ALG14: variants seen among roughly 807,000 people sequenced by gnomAD.
The protein encoded by ALG14 is ALG14 UDP-N-acetylglucosaminyltransferase subunit.
Under a neutral mutation model 22.8 loss-of-function variants are expected in ALG14, and 17 were observed. That is an observed-to-expected ratio of 0.75 (90% CI 0.51 to 1.12). The LOEUF (loss-of-function observed/expected upper bound fraction) is 1.12. Ranked by LOEUF, ALG14 falls within the 50% of genes most tolerant of loss-of-function variation. The pLI, the probability that ALG14 is intolerant of heterozygous loss-of-function variation, is 0.00. For missense variants in ALG14, 288 were observed against 271.8 expected, an observed-to-expected ratio of 1.06 and a Z score of -0.42; for synonymous variants, 89 against 103.7, an observed-to-expected ratio of 0.86 and a Z score of 0.86.
intron 1 of ALG14, among the ~76,000 whole-genome samples, chr1:95,069,172 G>C (rs1675475932): frequency 6.6e-6 from 1 of 152,134 alleles, no homozygotes; most frequent in African/African-American, 2.4e-5. Context: ...GGCTTGAAGT[G>C]GGTGACTCTC....
chr1:95,042,826 A>G (rs142559686), intron 2 of ALG14, among the ~76,000 whole-genome samples: 345 of 152,256 alleles, frequency 2.3e-3, no homozygotes, highest in African/African-American at 8.0e-3. Flanking sequence ...TGTTTTGGAA[A>G]TTTCCCTGGG....
rs563530836 is a variant in ALG14 at position 94,995,584 on chromosome 1, G to A, written c.421-12278C>T. Among the ~76,000 whole-genome samples the A allele has an allele frequency of 8.5e-5, 13 of 152,270 alleles. No individual in the cohort carries two copies. In the South Asian group the frequency reaches 1.9e-3, roughly 22 times the overall value. Reference sequence around the variant, plus strand: ...AAAAATTAGCTGAGCGTGGTGGCACGTGCCTGTAATCCCAGCTACTCAGGA... The same window carrying A: ...AAAAATTAGCTGAGCGTGGTGGCACATGCCTGTAATCCCAGCTACTCAGGA... On this transcript the variant is annotated intron_variant, in intron 3 of 3. Coordinates refer to ENST00000370205, the MANE Select transcript of ALG14 (RefSeq NM_144988.4).
At chr1:95,033,486 AAT>A (rs1302705369) in intron 2 of ALG14, among the ~76,000 whole-genome samples, 3 of 149,330 alleles carry the variant, frequency 2.0e-5, no homozygotes, top group Admixed American at 6.7e-5. Context: ...TATATACACA[AAT>A]ATATATATAT....
At chr1:95,066,520 G>A (rs1675374000) in intron 1 of ALG14, among the ~76,000 whole-genome samples, 1 of 152,052 alleles carries the variant, frequency 6.6e-6, no homozygotes, top group Non-Finnish European at 1.5e-5. Flanking sequence ...ACCATGCCAA[G>A]CCCACATTTT....
chr1:95,036,682 C>G (rs1447885255), intron 2 of ALG14, among the ~76,000 whole-genome samples: 1 of 152,120 alleles, frequency 6.6e-6, no homozygotes, highest in Non-Finnish European at 1.5e-5. Context: ...CCACCTCGAC[C>G]TCCCAAAGTG....
At chr1:94,997,672 T>C (rs1264802128) in intron 3 of ALG14, among the ~76,000 whole-genome samples, 1 of 152,170 alleles carries the variant, frequency 6.6e-6, no homozygotes, top group Non-Finnish European at 1.5e-5. Flanking sequence ...TGGATTTGAG[T>C]AGTGCTTCCC....
chr1:95,022,827 A>T (rs1339739903), intron 3 of ALG14, among the ~76,000 whole-genome samples: 1 of 152,204 alleles, frequency 6.6e-6, no homozygotes. Flanking sequence ...CATGTTATAA[A>T]GTTTTTTGAT....
At chr1:95,042,371 A>C (rs781213656) in intron 2 of ALG14, among the ~76,000 whole-genome samples, 5 of 152,072 alleles carry the variant, frequency 3.3e-5, no homozygotes, top group African/African-American at 9.7e-5. Flanking sequence ...CAGTTTCGTC[A>C]GACTCTTCGC....
intron 3 of ALG14, among the ~76,000 whole-genome samples, chr1:95,009,378 G>A (rs561410019): frequency 6.6e-6 from 1 of 152,116 alleles, no homozygotes; most frequent in African/African-American, 2.4e-5. Context: ...TAAAGATGGA[G>A]TGATTACTAT....
In ALG14 at chr1:95,072,875, A is replaced by T. The variant is rs751242894; in HGVS notation, c.24T>A (p.Ala8=). The change falls in exon 1 of 4, where the codon GCT becomes GCA. Residue 8 remains alanine, a synonymous_variant. Transcript: ENST00000370205. MVCVLVL[A]AAAGAVAVFL... is the part of the protein sequence containing the mutation. ...AAACCGCCACAGCTCCTGCGGCCGC[A>T]GCTAGAACGAGAACGCACACCATGC... is the stretch of plus-strand genomic sequence containing the variant. 1.3e-5 allele frequency: 21 copies of T among 1,614,016 alleles called. No individual in the cohort carries two copies. Among genetic ancestry groups the T allele is most frequent in the Non-Finnish European group, 1.8e-5 (21 of 1,180,034 alleles).
chr1:94,987,075 G>A (rs1385940511), intron 3 of ALG14, among the ~76,000 whole-genome samples: 1 of 152,156 alleles, frequency 6.6e-6, no homozygotes, highest in Non-Finnish European at 1.5e-5. Context: ...TGGCCTTGGT[G>A]CTATTGACAT....
At chr1:95,060,217 T>C (rs1350416895) in intron 2 of ALG14, among the ~76,000 whole-genome samples, 2 of 151,708 alleles carry the variant, frequency 1.3e-5, no homozygotes, top group Non-Finnish European at 2.9e-5. Context: ...ATGTTCACGC[T>C]ATCTCCCTCA....
At chr1:95,003,405 G>A (rs1048092462) in intron 3 of ALG14, among the ~76,000 whole-genome samples, 2 of 150,638 alleles carry the variant, frequency 1.3e-5, no homozygotes, top group Admixed American at 6.6e-5. Flanking sequence ...GACTTTAAAA[G>A]TTCAAGAGTT....
In ALG14 at chr1:94,974,436, G is replaced by GA. The variant is rs1352403386; in HGVS notation, c.*8639dup. ...TTAAATGCTCAAGTTTATTAGAGTG[G>GA]AAAAAAATCTCAGTTATACAGGAAA... is the stretch of plus-strand genomic sequence containing the variant. On this transcript the variant is annotated 3_prime_UTR_variant, in exon 4 of 4. Transcript: ENST00000370205. 1 of 151,972 alleles carries GA rather than the reference G, an allele frequency of 6.6e-6. No individual in the cohort carries two copies. The highest frequency in any genetic ancestry group is 1.5e-5 in the Non-Finnish European group (1 of 67,994). 9.4% of individuals were successfully genotyped at this position (151,972 alleles called of 1,614,324 possible).
chr1:95,041,547 CAA>C (rs1465841752), intron 2 of ALG14: 3 of 147,968 alleles, frequency 2.0e-5, no homozygotes, highest in Non-Finnish European at 3.0e-5. Flanking sequence ...CCCAGGAATT[CAA>C]AGATGCAGTG....
chr1:95,005,495 G>T (rs564764630), intron 3 of ALG14, among the ~76,000 whole-genome samples: 1 of 148,708 alleles, frequency 6.7e-6, no homozygotes, highest in Non-Finnish European at 1.5e-5. Flanking sequence ...TATCATTTAG[G>T]CCTCAAAATT....
At chr1:95,035,531 T>C (rs1198594806) in intron 2 of ALG14, among the ~76,000 whole-genome samples, 1 of 152,206 alleles carries the variant, frequency 6.6e-6, no homozygotes, top group East Asian at 1.9e-4. Flanking sequence ...AAAAGTAGGA[T>C]GCTGAAGAGT....
chr1:95,030,700 A>G (rs954636828), intron 2 of ALG14, among the ~76,000 whole-genome samples: 23 of 152,220 alleles, frequency 1.5e-4, no homozygotes, highest in African/African-American at 5.1e-4. Context: ...CTCCAAGGAC[A>G]TAAACATCCA....
At chr1:94,997,303 T>A (rs771481272) in intron 3 of ALG14, among the ~76,000 whole-genome samples, 1 of 151,884 alleles carries the variant, frequency 6.6e-6, no homozygotes, top group Non-Finnish European at 1.5e-5. Flanking sequence ...TCTCCCAGAG[T>A]AGTCTTAAAG....
Sources: gnomAD v4.1 joint callset for allele counts (sites outside exome capture counted in the v4.1 genomes callset) on GRCh38, gnomAD v4.1.1 for gene constraint, MANE v1.5 for transcripts, NCBI Gene and HGNC (gene_info 2026-07-23, HGNC 2026-07-21) for gene names.